Variants in UBE2U observed in about 807,000 individuals in gnomAD.
The protein encoded by UBE2U is ubiquitin conjugating enzyme E2 U, also known as ubiquitin-conjugating enzyme E2 U.
UBE2U carries 39 observed loss-of-function variants against 41.2 expected under a neutral mutation model. The observed-to-expected ratio is 0.95, with a 90% CI of 0.73 to 1.24. The LOEUF (loss-of-function observed/expected upper bound fraction) is 1.24, where lower values mean the gene tolerates loss of function less well. UBE2U is among the 50% of genes most tolerant of loss of function. UBE2U has a pLI of 0.00. For synonymous variants in UBE2U, 107 were observed against 117.8 expected (o/e 0.91, Z 0.60); for missense variants, 336 against 363.1 (o/e 0.93, Z 0.61).
intron 8 of UBE2U, among the ~76,000 whole-genome samples, chr1:64,250,542 G>C (rs1264092376): frequency 1.3e-5 from 2 of 152,058 alleles, no homozygotes; most frequent in Non-Finnish European, 2.9e-5. Flanking sequence ...ATACCATTTG[G>C]CCCAGCCATC....
chr1:64,205,214 T>A (rs544349878), intron 1 of UBE2U, among the ~76,000 whole-genome samples: 119 of 152,360 alleles, frequency 7.8e-4, no homozygotes, highest in Middle Eastern at 3.4e-3. Context: ...TAATTTTGGA[T>A]TTTTTCTTAA....
At chr1:64,237,895 CA>C (rs1348641235) in intron 7 of UBE2U, among the ~76,000 whole-genome samples, 1 of 151,976 alleles carries the variant, frequency 6.6e-6, no homozygotes, top group African/African-American at 2.4e-5. Context: ...TGAGGAAAGG[CA>C]ATTTCAAAAA....
intron 1 of UBE2U, 72 bp from the exon 2 acceptor site, chr1:64,205,567 G>A: frequency 9.1e-6 from 11 of 1,211,862 alleles, no homozygotes; most frequent in Non-Finnish European, 1.3e-5. Context: ...GTGTGACCTG[G>A]TATATGATTT....
At chr1:64,207,419 C>T (rs1055950748) in intron 3 of UBE2U, among the ~76,000 whole-genome samples, 10 of 152,212 alleles carry the variant, frequency 6.6e-5, no homozygotes, top group Admixed American at 3.3e-4. Flanking sequence ...GCTGGGATTA[C>T]AGCTGTGAAC....
chr1:64,244,877 A>C (rs1644894330), intron 8 of UBE2U, among the ~76,000 whole-genome samples: 1 of 152,094 alleles, frequency 6.6e-6, no homozygotes, highest in Admixed American at 6.6e-5. Context: ...TAGTTGAAAA[A>C]CGCATCCTCA....
chr1:64,266,079 C>T (rs1304794904), intron 9 of UBE2U, among the ~76,000 whole-genome samples: 1 of 152,174 alleles, frequency 6.6e-6, no homozygotes, highest in Non-Finnish European at 1.5e-5. Flanking sequence ...GAAGAGAATG[C>T]AGTGAGATTT....
rs200390098 is a variant in UBE2U, at chr1:64,213,336, C to T, written c.340-1479C>T. Among the ~76,000 whole-genome samples the T allele has an allele frequency of 2.0e-5, 3 of 152,178 alleles. No individual in the cohort carries two copies. In the East Asian group the frequency reaches 5.8e-4, roughly 29 times the overall value. ...CCTCTGCCTGGCAACTCATTTTCTC[C>T]TCTTCTCTTCCTCAGTCTGTCCAGC... On this transcript the variant is annotated intron_variant, in intron 4 of 9. Transcript: ENST00000371077.
At chr1:64,240,960 A>C (rs959697561) in intron 7 of UBE2U, among the ~76,000 whole-genome samples, 16 of 152,226 alleles carry the variant, frequency 1.1e-4, no homozygotes, top group Non-Finnish European at 2.2e-4. Context: ...CAATAAATTT[A>C]AAGATCTAAT....
intron 8 of UBE2U, chr1:64,244,085 A>G (rs1328473170): frequency 1.4e-6 from 2 of 1,395,550 alleles, no homozygotes; most frequent in South Asian, 1.2e-5. Flanking sequence ...GTTCGCTATT[A>G]TTCATGCTTT....
At chr1:64,258,721 T>C (rs1201311297) in intron 8 of UBE2U, among the ~76,000 whole-genome samples, 2 of 152,240 alleles carry the variant, frequency 1.3e-5, no homozygotes, top group East Asian at 1.9e-4. Flanking sequence ...CAGTCTATCA[T>C]AGATGGACAT....
chr1:64,213,084 T>C (rs1330777335), intron 4 of UBE2U, among the ~76,000 whole-genome samples: 1 of 152,176 alleles, frequency 6.6e-6, no homozygotes, highest in Non-Finnish European at 1.5e-5. Flanking sequence ...TTTCTCCTGT[T>C]TTTCAGTTTA....
In UBE2U at chr1:64,221,813, G is replaced by A. The variant is rs192578080; in HGVS notation, c.506+906G>A. On this transcript the variant is annotated intron_variant, in intron 6 of 9. Transcript: ENST00000371077. ...AAAATTAGATAACTTATGGCCGAGA[G>A]CAGTGGCTCACGCCTGTAATCCCAG... is the stretch of plus-strand genomic sequence containing the variant. Among the ~76,000 whole-genome samples, 278 of 152,240 alleles carry A rather than the reference G, an allele frequency of 1.8e-3. 1 individual carries two copies. Among genetic ancestry groups the A allele is most frequent in the African/African-American group, 6.6e-3 (273 of 41,556 alleles).
Position 64,210,746 on chromosome 1 carries a change from C to T in UBE2U, c.246C>T (p.Asp82=), listed in dbSNP as rs2100262326. 6.4e-7 allele frequency: 1 copy of T among 1,564,956 alleles called. No individual in the cohort carries two copies. Among genetic ancestry groups the T allele is most frequent in the Non-Finnish European group, 8.7e-7 (1 of 1,153,938 alleles). The change falls in exon 4 of 10, where the codon GAC becomes GAT. Residue 82 remains aspartate, a synonymous_variant. Coordinates refer to ENST00000371077, the MANE Select transcript of UBE2U (RefSeq NM_001366232.2). ...TAATGTATTATTTTAATACAGTAGA[C>T]CCACACACTGGTCAGCCCTGTATAG... ...FITIPFHPNV[D]PHTGQPCIDF... is the part of the protein sequence containing the mutation.
intron 6 of UBE2U, among the ~76,000 whole-genome samples, chr1:64,228,751 A>G (rs825180): frequency 0.73 from 103,260 of 141,728 alleles, 38,527 homozygotes; most frequent in African/African-American, 0.93. Context: ...GTGCAGTGGT[A>G]TAATCTCAGC....
intron 9 of UBE2U, among the ~76,000 whole-genome samples, chr1:64,265,298 G>A (rs1338678830): frequency 6.6e-6 from 1 of 152,132 alleles, no homozygotes. Context: ...CTCTCCTATT[G>A]TTTAAACTGG....
chr1:64,259,502 A>C (rs997237890), intron 8 of UBE2U, among the ~76,000 whole-genome samples: 1 of 152,024 alleles, frequency 6.6e-6, no homozygotes, highest in Admixed American at 6.6e-5. Flanking sequence ...TTTTTGTATA[A>C]GATGTAAGGA....
chr1:64,214,861 C>A lies in UBE2U; in HGVS notation c.386C>A (p.Ala129Glu). ...CTAGAGAATCCAGTGAATTTGGAAGCAGCCAGAATACTGGTTAAAGATGAA... is the reference window on the plus strand; with the variant it reads ...CTAGAGAATCCAGTGAATTTGGAAGAAGCCAGAATACTGGTTAAAGATGAA... Reference protein sequence around the residue: ...PVLENPVNLEAARILVKDESL... With the variant: ...PVLENPVNLEEARILVKDESL... The change falls in exon 5 of 10, where the codon GCA becomes GAA. Residue 129 changes from alanine to glutamate, a missense_variant. Transcript: ENST00000371077. 1 of 1,614,138 alleles carries A rather than the reference C, an allele frequency of 6.2e-7. No individual in the cohort carries two copies. Among genetic ancestry groups the A allele is most frequent in the South Asian group, 1.1e-5 (1 of 91,086 alleles).
chr1:64,217,155 A>AG (rs1652081498), intron 5 of UBE2U, among the ~76,000 whole-genome samples: 1 of 152,250 alleles, frequency 6.6e-6, no homozygotes, highest in South Asian at 2.1e-4. Flanking sequence ...GGACAAGGCC[A>AG]GGCTGGCAGT....
chr1:64,233,839 A>G (rs1644616636), intron 7 of UBE2U, among the ~76,000 whole-genome samples: 1 of 152,208 alleles, frequency 6.6e-6, no homozygotes, highest in Admixed American at 6.5e-5. Flanking sequence ...TCCTTCTAAA[A>G]TGGTGCATTC....
Sources: allele counts gnomAD v4.1 joint callset (sites outside exome capture counted in the v4.1 genomes callset), GRCh38; gene constraint gnomAD v4.1.1; transcripts MANE v1.5; gene names NCBI Gene and HGNC (gene_info 2026-07-23, HGNC 2026-07-21).